The following SLC35F4 variants were observed in gnomAD, a reference collection of about 807,000 sequenced individuals.
SLC35F4 encodes solute carrier family 35 member F4.
A neutral mutation model predicts 44.2 loss-of-function variants in SLC35F4; 24 were observed. That is an observed-to-expected ratio of 0.54 (90% CI 0.39 to 0.76). The LOEUF is 0.76. Among genes scored for constraint, SLC35F4 ranks in the 30% least tolerant of loss-of-function variants. The pLI is 0.00. For missense variants in SLC35F4, 562 were observed against 586.1 expected (o/e 0.96, Z 0.42); for synonymous variants, 238 against 223.6 (o/e 1.06, Z -0.57).
At chr14:57,700,700 G>A (rs1452693187) in intron 1 of SLC35F4, among the ~76,000 whole-genome samples, 1 of 151,924 alleles carries the variant, frequency 6.6e-6, no homozygotes, top group Non-Finnish European at 1.5e-5. Flanking sequence ...CCAGGGGTTC[G>A]AGACCAGGCC....
At chr14:57,637,826 G>A (rs1462604812) in intron 1 of SLC35F4, among the ~76,000 whole-genome samples, 6 of 151,904 alleles carry the variant, frequency 3.9e-5, no homozygotes, top group Non-Finnish European at 7.4e-5. Flanking sequence ...ACCCCTCTTG[G>A]CAAAAGGGAC....
At chr14:57,715,114 G>A (rs1235163416) in intron 1 of SLC35F4, among the ~76,000 whole-genome samples, 5 of 152,072 alleles carry the variant, frequency 3.3e-5, no homozygotes, top group Non-Finnish European at 7.4e-5. Context: ...TGATTCTGAG[G>A]GCTCAGTTAG....
chr14:57,890,918 G>T (rs991982777), intron 1 of SLC35F4, among the ~76,000 whole-genome samples: 4 of 152,128 alleles, frequency 2.6e-5, no homozygotes, highest in African/African-American at 9.7e-5. Context: ...AAATAAGCAA[G>T]TTCTTTATAG....
intron 1 of SLC35F4, among the ~76,000 whole-genome samples, chr14:57,715,507 A>C (rs1263292770): frequency 6.6e-6 from 1 of 152,236 alleles, no homozygotes; most frequent in Non-Finnish European, 1.5e-5. Flanking sequence ...TGTTGTAACC[A>C]GAGTTGAATG....
intron 1 of SLC35F4, among the ~76,000 whole-genome samples, chr14:57,642,613 T>C (rs1227393218): frequency 1.3e-5 from 2 of 152,000 alleles, no homozygotes; most frequent in Non-Finnish European, 2.9e-5. Context: ...TTTGATGTTT[T>C]CAATGTTGAT....
At chr14:57,841,041 A>G (rs961141320) in intron 1 of SLC35F4, among the ~76,000 whole-genome samples, 1 of 152,126 alleles carries the variant, frequency 6.6e-6, no homozygotes, top group African/African-American at 2.4e-5. Flanking sequence ...CCTTATCCCC[A>G]TGGAGCTCAT....
chr14:57,922,802 T>C (rs935588405), intron 1 of SLC35F4, among the ~76,000 whole-genome samples: 4 of 152,234 alleles, frequency 2.6e-5, no homozygotes, highest in Non-Finnish European at 4.4e-5. Context: ...TTGTAAAATG[T>C]GGCATTAGGC....
At position 57,890,789 on chromosome 14, in the gene SLC35F4, C is replaced by A. The variant is rs114058486; in HGVS notation, n.282+91124G>T. ...CATAAAACTGAGGGAAAGGGGACTG[C>A]TGGACCCATAATTGAATGTCTGTAG... On this transcript the variant is annotated intron_variant and non_coding_transcript_variant, in intron 1 of 1. Coordinates refer to the SLC35F4 transcript ENST00000556568. 5.0e-3 allele frequency among the ~76,000 whole-genome samples: 768 copies of A among 152,242 alleles called. 8 individuals carry two copies. The highest frequency in any genetic ancestry group is 0.018 in the African/African-American group (737 of 41,546).
At chr14:57,727,012 A>T (rs147209326) in intron 1 of SLC35F4, among the ~76,000 whole-genome samples, 7,073 of 152,064 alleles carry the variant, frequency 0.047, 213 homozygotes, top group South Asian at 0.087. Flanking sequence ...ATCGGACTCC[A>T]AGTTCTTCAG....
At chr14:57,666,218 G>A (rs148100088) in intron 1 of SLC35F4, among the ~76,000 whole-genome samples, 4 of 152,214 alleles carry the variant, frequency 2.6e-5, no homozygotes, top group African/African-American at 9.7e-5. Flanking sequence ...CAGCATCACA[G>A]AATCTGTACG....
chr14:57,719,020 A>G (rs1432315309), intron 1 of SLC35F4, among the ~76,000 whole-genome samples: 2 of 152,164 alleles, frequency 1.3e-5, no homozygotes, highest in African/African-American at 4.8e-5. Context: ...TGTATAAGGC[A>G]AGAGATAGGG....
At position 57,568,173 on chromosome 14, in the gene SLC35F4, C is replaced by CA. The variant is rs1327870722; in HGVS notation, c.1127-1610dup. On this transcript the variant is annotated intron_variant, in intron 6 of 7. Coordinates refer to ENST00000556826, the MANE Select transcript of SLC35F4 (RefSeq NM_001306087.2). The stretch of plus-strand genomic sequence containing the variant: ...GTGCACTGGGGTGGGCCTGGTAGAG[C>CA]AGCTGCAGTGCTGCTTGGCACTGTA... 1.8e-4 allele frequency among the ~76,000 whole-genome samples: 27 copies of CA among 152,370 alleles called. 1 individual carries two copies. The highest frequency in any genetic ancestry group is 6.3e-4 in the African/African-American group (26 of 41,594).
intron 1 of SLC35F4, among the ~76,000 whole-genome samples, chr14:57,965,957 C>A (rs1188201352): frequency 1.3e-5 from 2 of 152,186 alleles, no homozygotes; most frequent in African/African-American, 4.8e-5. Context: ...AAGGACAGAG[C>A]AGGCCTTGAC....
At chr14:57,974,138 A>G (rs1881138137), downstream of SLC35F4, among the ~76,000 whole-genome samples, 1 of 152,130 alleles carries the variant, frequency 6.6e-6, no homozygotes, top group South Asian at 2.1e-4. Context: ...TCATCTGGCA[A>G]TGGGCTCATT....
At chr14:57,958,639 G>T (rs1436009480) in intron 1 of SLC35F4, among the ~76,000 whole-genome samples, 3 of 152,146 alleles carry the variant, frequency 2.0e-5, no homozygotes, top group African/African-American at 2.4e-5. Flanking sequence ...TTAAAAGGGT[G>T]AGTGTTATGA....
chr14:57,607,038 A>G (rs2071203926), intron 1 of SLC35F4, among the ~76,000 whole-genome samples: 1 of 152,140 alleles, frequency 6.6e-6, no homozygotes, highest in Admixed American at 6.6e-5. Context: ...GGAAAAGCCA[A>G]TTATACAAGC....
At chr14:57,980,649 G>T (rs1458981310) in intron 1 of SLC35F4, among the ~76,000 whole-genome samples, 1 of 106,124 alleles carries the variant, frequency 9.4e-6, no homozygotes, top group Non-Finnish European at 1.8e-5. Context: ...CAAGAAAATG[G>T]CTGTGTTTGT....
chr14:57,609,327 C>T (rs1284546526), intron 1 of SLC35F4, among the ~76,000 whole-genome samples: 1 of 152,158 alleles, frequency 6.6e-6, no homozygotes, highest in Non-Finnish European at 1.5e-5. Context: ...TCTCATTAAG[C>T]TCCTGGAAAT....
At chr14:57,656,303 CCCCCACACA>C (rs1020902600) in intron 1 of SLC35F4, among the ~76,000 whole-genome samples, 12 of 150,782 alleles carry the variant, frequency 8.0e-5, no homozygotes, top group African/African-American at 2.7e-4. Context: ...CCCCCCACAC[CCCCCACACA>C]CACTCACACA....
Sources: gnomAD v4.1 joint callset for allele counts (sites outside exome capture counted in the v4.1 genomes callset) on GRCh38, gnomAD v4.1.1 for gene constraint, MANE v1.5 for transcripts, NCBI Gene and HGNC (gene_info 2026-07-23, HGNC 2026-07-21) for gene names.